Variants in OR1J2 observed in about 807,000 individuals in gnomAD.
The protein encoded by OR1J2 is olfactory receptor family 1 subfamily J member 2, also known as olfactory receptor 1J2.
For missense variants in OR1J2, 304 were observed against 246.1 expected (o/e 1.24, Z -1.57); for synonymous variants, 142 against 99.7 (o/e 1.42, Z -2.52).
downstream of OR1J2, among the ~76,000 whole-genome samples, chr9:122,512,307 G>T (rs71511509): frequency 0.096 from 14,549 of 152,200 alleles, 785 homozygotes; most frequent in African/African-American, 0.13. Context: ...AGAATGAAAA[G>T]TAACACTTCT....
chr9:122,557,451 C>A, the OR1J2 span, among the ~76,000 whole-genome samples: 2 of 152,008 alleles, frequency 1.3e-5, no homozygotes, highest in East Asian at 3.9e-4. Context: ...GCTTTTTCTG[C>A]ATCTATTTAT....
At chr9:122,482,370 C>G in the OR1J2 span, among the ~76,000 whole-genome samples, 2 of 151,958 alleles carry the variant, frequency 1.3e-5, no homozygotes, top group African/African-American at 4.8e-5. Flanking sequence ...CAAAAAAATA[C>G]CAAATACTGG....
chr9:122,452,780 G>A, the OR1J2 span, among the ~76,000 whole-genome samples: 12 of 152,092 alleles, frequency 7.9e-5, no homozygotes, highest in African/African-American at 2.9e-4. Context: ...TGTAATCTCA[G>A]CACTTTGGGA....
chr9:122,476,642 G>A, the OR1J2 span, among the ~76,000 whole-genome samples: 1 of 152,020 alleles, frequency 6.6e-6, no homozygotes, highest in Non-Finnish European at 1.5e-5. Context: ...ATATTACATG[G>A]GATGTTTTAA....
At chr9:122,532,166 G>A in the OR1J2 span, among the ~76,000 whole-genome samples, 4 of 149,544 alleles carry the variant, frequency 2.7e-5, no homozygotes, top group Non-Finnish European at 4.4e-5. Context: ...AGTCCTGGGC[G>A]GGAGCAAATC....
downstream of OR1J2, among the ~76,000 whole-genome samples, chr9:122,515,858 A>C (rs1181102570): frequency 1.3e-5 from 2 of 151,868 alleles, no homozygotes; most frequent in East Asian, 1.9e-4. Context: ...TTAAACCTTC[A>C]TCAGAGGCAG....
the OR1J2 span, among the ~76,000 whole-genome samples, chr9:122,541,272 A>C: frequency 6.6e-6 from 1 of 152,178 alleles, no homozygotes; most frequent in African/African-American, 2.4e-5. Context: ...CTAAGCTGGC[A>C]GTAGATAAAA....
the OR1J2 span, among the ~76,000 whole-genome samples, chr9:122,541,520 T>G: frequency 1.8e-3 from 277 of 152,302 alleles, no homozygotes; most frequent in Admixed American, 5.9e-3. Flanking sequence ...GTTTGGGTCT[T>G]GGGGTGGCCA....
the OR1J2 span, among the ~76,000 whole-genome samples, chr9:122,503,091 A>G: frequency 3.3e-5 from 5 of 152,348 alleles, no homozygotes; most frequent in South Asian, 1.0e-3. Flanking sequence ...GATGTGGTAT[A>G]TGATAGGAGC....
chr9:122,554,813 AG>A, the OR1J2 span, among the ~76,000 whole-genome samples: 1 of 31,942 alleles, frequency 3.1e-5, no homozygotes, highest in Non-Finnish European at 7.1e-5. Context: ...CTTCTGTTGT[AG>A]TAAATAGATT....
At chr9:122,477,186 C>T in the OR1J2 span, 1 of 1,614,102 alleles carries the variant, frequency 6.2e-7, no homozygotes, top group Non-Finnish European at 8.5e-7. Flanking sequence ...AGATAGTCAC[C>T]ACTGAGAGGT....
At chr9:122,557,234 A>G in the OR1J2 span, among the ~76,000 whole-genome samples, 2 of 152,098 alleles carry the variant, frequency 1.3e-5, no homozygotes, top group East Asian at 1.9e-4. Flanking sequence ...TGTCTTATGC[A>G]TTACTAGGAC....
chr9:122,549,597 A>G, the OR1J2 span, among the ~76,000 whole-genome samples: 1 of 152,136 alleles, frequency 6.6e-6, no homozygotes, highest in East Asian at 1.9e-4. Flanking sequence ...CAATTTTCCT[A>G]GAACTGTTTG....
the OR1J2 span, among the ~76,000 whole-genome samples, chr9:122,540,844 T>C: frequency 2.2e-4 from 34 of 152,292 alleles, no homozygotes; most frequent in Non-Finnish European, 4.6e-4. Context: ...CCCTTGTAAG[T>C]TGGATTCCTA....
chr9:122,473,664 C>A, the OR1J2 span, among the ~76,000 whole-genome samples: 1 of 150,524 alleles, frequency 6.6e-6, no homozygotes, highest in Non-Finnish European at 1.5e-5. Context: ...GTTGTCAATG[C>A]ATAATAGATC....
the OR1J2 span, among the ~76,000 whole-genome samples, chr9:122,576,067 A>G: frequency 4.6e-5 from 7 of 152,314 alleles, no homozygotes; most frequent in Non-Finnish European, 4.4e-5. Flanking sequence ...GGAAAGATCT[A>G]CTTCTTTAAG....
At chr9:122,575,998 G>A in the OR1J2 span, among the ~76,000 whole-genome samples, 11 of 151,758 alleles carry the variant, frequency 7.2e-5, no homozygotes, top group African/African-American at 2.4e-4. Flanking sequence ...TTTTATTTCT[G>A]TGTCTGGTTT....
chr9:122,522,433 TTAA>T, the OR1J2 span, among the ~76,000 whole-genome samples: 1 of 152,168 alleles, frequency 6.6e-6, no homozygotes, highest in Non-Finnish European at 1.5e-5. Flanking sequence ...CATGGAAATT[TTAA>T]GAGTAAACAA....
chr9:122,483,130 CAATT>C, the OR1J2 span, among the ~76,000 whole-genome samples: 8 of 152,208 alleles, frequency 5.3e-5, 1 homozygote, highest in South Asian at 1.2e-3. Flanking sequence ...ATTATTGTGT[CAATT>C]AAGCATAAAT....
Sources: gnomAD v4.1 joint callset for allele counts (sites outside exome capture counted in the v4.1 genomes callset) on GRCh38, gnomAD v4.1.1 for gene constraint, MANE v1.5 for transcripts, NCBI Gene and HGNC (gene_info 2026-07-23, HGNC 2026-07-21) for gene names.